GRM7: variants seen among roughly 807,000 people sequenced by gnomAD.
GRM7 encodes the protein glutamate metabotropic receptor 7.
In GRM7, 35 loss-of-function variants were observed where a neutral mutation model predicts 84.5. That is an observed-to-expected ratio of 0.41 (90% confidence interval 0.32 to 0.55). The LOEUF is 0.55. Ranked by LOEUF, GRM7 falls within the 20% of genes least tolerant of loss-of-function variation. The pLI, the probability that GRM7 is intolerant of heterozygous loss-of-function variation, is 0.19. For synonymous variants in GRM7, 487 were observed against 455.1 expected (o/e 1.07, Z -0.89); for missense variants, 1,003 against 1,194.6 (o/e 0.84, Z 2.36).
chr3:7,191,056 C>T (rs1387141177), intron 2 of GRM7, among the ~76,000 whole-genome samples: 2 of 152,046 alleles, frequency 1.3e-5, no homozygotes, highest in Non-Finnish European at 2.9e-5. Flanking sequence ...ACAATAATAT[C>T]AATATAAGCT....
At chr3:7,390,221 C>T (rs1164555910) in intron 4 of GRM7, among the ~76,000 whole-genome samples, 1 of 152,030 alleles carries the variant, frequency 6.6e-6, no homozygotes, top group African/African-American at 2.4e-5. Flanking sequence ...CTGAGAAGTC[C>T]ACCGTTATTC....
In GRM7 at chr3:6,886,565, CTTAA is replaced by C. The variant is rs1385475753; in HGVS notation, c.519+24661_519+24664del. Among the ~76,000 whole-genome samples the C allele has an allele frequency of 2.0e-5, 3 of 152,150 alleles. No individual in the cohort carries two copies. In the East Asian group the frequency reaches 5.8e-4, roughly 29 times the overall value. The stretch of plus-strand genomic sequence containing the variant: ...GGTTGGAATCTCACTTCCATTATGT[CTTAA>C]TTGAGTGACTTCTGGTCCATTGTTT... On this transcript the variant is annotated intron_variant, in intron 1 of 9. Transcript: ENST00000357716.
chr3:7,370,897 A>G (rs1694103740), intron 4 of GRM7, among the ~76,000 whole-genome samples: 1 of 152,140 alleles, frequency 6.6e-6, no homozygotes, highest in Non-Finnish European at 1.5e-5. Flanking sequence ...GAACTACTTA[A>G]AAGTTTCTGA....
At chr3:7,580,516 G>C (rs1174259585) in intron 8 of GRM7, among the ~76,000 whole-genome samples, 1 of 152,122 alleles carries the variant, frequency 6.6e-6, no homozygotes, top group African/African-American at 2.4e-5. Context: ...TGTTACCTCT[G>C]TTCTCCATAT....
intron 4 of GRM7, among the ~76,000 whole-genome samples, chr3:7,355,302 CTATT>C (rs1405164848): frequency 6.6e-6 from 1 of 152,008 alleles, no homozygotes; most frequent in Non-Finnish European, 1.5e-5. Context: ...TTACTTAAGC[CTATT>C]TATTAAGTGA....
intron 2 of GRM7, among the ~76,000 whole-genome samples, chr3:7,225,767 C>G (rs1696964196): frequency 6.6e-6 from 1 of 151,854 alleles, no homozygotes; most frequent in South Asian, 2.1e-4. Context: ...CTCTCAATTA[C>G]AAGTTAGTAA....
intron 5 of GRM7, among the ~76,000 whole-genome samples, chr3:7,436,950 A>T (rs1697082395): frequency 6.6e-6 from 1 of 151,778 alleles, no homozygotes; most frequent in Admixed American, 6.6e-5. Context: ...TTCACTCTTT[A>T]TATATGTTAT....
At chr3:6,987,897 A>T (rs1694479240) in intron 1 of GRM7, among the ~76,000 whole-genome samples, 1 of 152,040 alleles carries the variant, frequency 6.6e-6, no homozygotes, top group Non-Finnish European at 1.5e-5. Context: ...AGAAGAGCAA[A>T]TTATTTAAAA....
intron 1 of GRM7, among the ~76,000 whole-genome samples, chr3:7,010,245 G>A (rs774850148): frequency 3.9e-5 from 6 of 152,184 alleles, no homozygotes; most frequent in African/African-American, 1.4e-4. Context: ...GAGCTCTGGA[G>A]TTGGAACCCA....
intron 1 of GRM7, among the ~76,000 whole-genome samples, chr3:7,016,967 G>A (rs571155718): frequency 4.6e-5 from 7 of 152,236 alleles, no homozygotes; most frequent in Middle Eastern, 3.4e-3. Context: ...GCATCACCTT[G>A]GAGCCTGGAG....
intron 8 of GRM7, among the ~76,000 whole-genome samples, chr3:7,595,797 G>A (rs886424392): frequency 1.3e-5 from 2 of 152,112 alleles, no homozygotes; most frequent in Non-Finnish European, 2.9e-5. Context: ...GCAGTAAGGA[G>A]GACCCTGTGT....
intron 1 of GRM7, among the ~76,000 whole-genome samples, chr3:7,007,338 C>A (rs1488498295): frequency 6.6e-6 from 1 of 152,158 alleles, no homozygotes; most frequent in Non-Finnish European, 1.5e-5. Flanking sequence ...GTGGAAGCAT[C>A]AATAAGAATG....
At chr3:6,946,101 T>C (rs1698069218) in intron 1 of GRM7, among the ~76,000 whole-genome samples, 1 of 152,220 alleles carries the variant, frequency 6.6e-6, no homozygotes, top group African/African-American at 2.4e-5. Context: ...TTGTTGCCAT[T>C]GCTTTTGGTG....
intron 8 of GRM7, among the ~76,000 whole-genome samples, chr3:7,615,770 G>T (rs1015769191): frequency 6.6e-6 from 1 of 151,934 alleles, no homozygotes; most frequent in African/African-American, 2.4e-5. Context: ...TACCAGGCTT[G>T]CCTCTCTCTG....
At chr3:7,124,725 G>T (rs2125047118) in intron 1 of GRM7, among the ~76,000 whole-genome samples, 1 of 152,154 alleles carries the variant, frequency 6.6e-6, no homozygotes, top group South Asian at 2.1e-4. Flanking sequence ...CTTCTATCCA[G>T]GGCTTTTTCC....
At chr3:7,027,933 G>A (rs916897789) in intron 1 of GRM7, among the ~76,000 whole-genome samples, 13 of 151,956 alleles carry the variant, frequency 8.6e-5, no homozygotes, top group South Asian at 4.2e-4. Context: ...ATATAAAATC[G>A]CCAGGTACTT....
At chr3:6,967,407 C>CTGA (rs1693563816) in intron 1 of GRM7, among the ~76,000 whole-genome samples, 1 of 152,092 alleles carries the variant, frequency 6.6e-6, no homozygotes, top group African/African-American at 2.4e-5. Context: ...TGTTGCCAGG[C>CTGA]TGATCTCCAA....
intron 9 of GRM7, chr3:7,694,401 T>G (rs1333653304): frequency 5.2e-6 from 5 of 956,202 alleles, no homozygotes; most frequent in Admixed American, 6.2e-5. Flanking sequence ...ATTCTTCTAT[T>G]TGGTCTCTTG....
intron 2 of GRM7, among the ~76,000 whole-genome samples, chr3:7,254,708 G>C (rs1396690273): frequency 6.6e-6 from 1 of 152,208 alleles, no homozygotes; most frequent in Non-Finnish European, 1.5e-5. Flanking sequence ...ATACTGCTCA[G>C]ATTCAACCCT....
Sources: gnomAD v4.1 joint callset for allele counts (sites outside exome capture counted in the v4.1 genomes callset) on GRCh38, gnomAD v4.1.1 for gene constraint, MANE v1.5 for transcripts, NCBI Gene and HGNC (gene_info 2026-07-23, HGNC 2026-07-21) for gene names.